The following LAMC1 variants were observed in gnomAD, a reference collection of about 807,000 sequenced individuals.
LAMC1 encodes the protein laminin subunit gamma 1.
LAMC1 carries 38 observed loss-of-function variants against 173.6 expected under a neutral mutation model. That is an observed-to-expected ratio of 0.22 (90% CI 0.17 to 0.29). The LOEUF is 0.29. Among genes scored for constraint, LAMC1 ranks in the 10% least tolerant of loss-of-function variants. The pLI is 1.00. For synonymous variants in LAMC1, 746 were observed against 749.1 expected, an observed-to-expected ratio of 1.00 and a Z score of 0.07; for missense variants, 1,824 against 2,051.8, an observed-to-expected ratio of 0.89 and a Z score of 2.14.
intron 17 of LAMC1, 124 bp from the exon 18 acceptor site, chr1:183,128,470 T>TAAA: frequency 4.9e-6 from 3 of 613,086 alleles, no homozygotes; most frequent in South Asian, 3.3e-5. Context: ...TAATAATAAT[T>TAAA]AAAAAAAAAA....
At position 183,132,544 on chromosome 1, in the gene LAMC1, A is replaced by T. The variant is rs1656826805; in HGVS notation, c.3704+7A>T. The T allele has an allele frequency of 6.2e-7, 1 of 1,611,288 alleles. No homozygotes were observed. The highest frequency in any genetic ancestry group is 1.3e-5 in the African/African-American group (1 of 74,812). On this transcript the variant is annotated splice_region_variant and intron_variant, in intron 21 of 27. Coordinates refer to ENST00000258341, the MANE Select transcript of LAMC1 (RefSeq NM_002293.4). Reference sequence around the variant, plus strand: ...TTGAAGAGCTTAATAGGAAGTGAGTATAATTTGAAAGTGGTTTACACCCCT... The same window carrying T: ...TTGAAGAGCTTAATAGGAAGTGAGTTTAATTTGAAAGTGGTTTACACCCCT...
chr1:183,027,748 G>A (rs1042686640), intron 1 of LAMC1, among the ~76,000 whole-genome samples: 2 of 152,078 alleles, frequency 1.3e-5, no homozygotes, highest in Admixed American at 6.6e-5. Flanking sequence ...TGATATATAA[G>A]GCTATTGCCT....
Position 183,024,125 on chromosome 1 carries a change from C to T in LAMC1, c.409C>T (p.Leu137=), listed in dbSNP as rs1291912745. The T allele has an allele frequency of 6.3e-7, 1 of 1,585,094 alleles. No homozygotes were observed. The highest frequency in any genetic ancestry group is 1.8e-5 in the Admixed American group (1 of 56,628). The change falls in exon 1 of 28, where the codon CTG becomes TTG. Residue 137 remains leucine, a synonymous_variant. Coordinates refer to ENST00000258341, the MANE Select transcript of LAMC1 (RefSeq NM_002293.4). ...GTACCCCAGCTCCATCAACCTCACG[C>T]TGCACCTGGGTAAGCGGTGACAGCC... is the stretch of plus-strand genomic sequence containing the variant. ...VQYPSSINLT[L]HLGKAFDITY...
intron 1 of LAMC1, among the ~76,000 whole-genome samples, chr1:183,101,152 A>C (rs1241960613): frequency 1.3e-5 from 2 of 152,122 alleles, no homozygotes; most frequent in Admixed American, 1.3e-4. Context: ...AGAAGGATAG[A>C]GAGAAAATAG....
intron 1 of LAMC1, among the ~76,000 whole-genome samples, chr1:183,098,178 C>A (rs1014233069): frequency 6.6e-6 from 1 of 152,118 alleles, no homozygotes; most frequent in African/African-American, 2.4e-5. Context: ...TTAACTGGAT[C>A]TTCTTACTTT....
At chr1:183,066,711 A>G (rs1654882450) in intron 1 of LAMC1, among the ~76,000 whole-genome samples, 1 of 152,336 alleles carries the variant, frequency 6.6e-6, no homozygotes, top group South Asian at 2.1e-4. Flanking sequence ...AGGAACAGAA[A>G]ACCAAACACT....
rs150709307 is a variant in LAMC1, at chr1:183,039,179, G to T, written c.418+15045G>T. Among the ~76,000 whole-genome samples, 6 of 150,968 alleles carry T rather than the reference G, an allele frequency of 4.0e-5. No individual in the cohort carries two copies. The East Asian group carries it at 1.2e-3, about 30-fold the overall frequency. ...CTAAAAAAATTCTGGATCATGATCT[G>T]ATAGAGCTGAGCATGCCGGAATTTT... On this transcript the variant is annotated intron_variant, in intron 1 of 27. Coordinates refer to ENST00000258341, the MANE Select transcript of LAMC1 (RefSeq NM_002293.4).
intron 1 of LAMC1, among the ~76,000 whole-genome samples, chr1:183,045,106 A>G (rs1351953812): frequency 6.7e-6 from 1 of 149,314 alleles, no homozygotes; most frequent in Non-Finnish European, 1.5e-5. Context: ...AGTAACAACT[A>G]GAATCTTCTC....
At chr1:183,127,893 A>G (rs990691312) in intron 17 of LAMC1, among the ~76,000 whole-genome samples, 14 of 152,220 alleles carry the variant, frequency 9.2e-5, no homozygotes, top group Non-Finnish European at 2.9e-5. Flanking sequence ...CCCAAATCCA[A>G]TAAGAATGCA....
intron 1 of LAMC1, among the ~76,000 whole-genome samples, chr1:183,038,629 A>G (rs571404315): frequency 6.6e-6 from 1 of 152,336 alleles, no homozygotes; most frequent in East Asian, 1.9e-4. Flanking sequence ...TGAGCTGAAC[A>G]GCTTTTTTTG....
intron 2 of LAMC1, among the ~76,000 whole-genome samples, chr1:183,105,661 G>C (rs776859236): frequency 6.6e-6 from 1 of 152,096 alleles, no homozygotes; most frequent in Admixed American, 6.6e-5. Context: ...GTGGGCATCT[G>C]CATAGACGTG....
chr1:183,116,646 A>G lies in LAMC1; in HGVS notation c.1398A>G (p.Lys466=), dbSNP rs1166122900. The G allele has an allele frequency of 5.0e-6, 8 of 1,613,554 alleles. No individual in the cohort carries two copies. In the African/African-American group the frequency reaches 1.1e-4, roughly 22 times the overall value. The part of the protein sequence containing the change: ...CNIETGRCVC[K]DNVEGFNCER... Reference sequence around the variant, plus strand: ...TTGAAACAGGAAGATGTGTTTGCAAAGACAATGTCGAAGGCTTCAATTGTG... The same window carrying G: ...TTGAAACAGGAAGATGTGTTTGCAAGGACAATGTCGAAGGCTTCAATTGTG... The change falls in exon 7 of 28, where the codon AAA becomes AAG. Residue 466 remains lysine, a synonymous_variant. Transcript: ENST00000258341.
intron 1 of LAMC1, among the ~76,000 whole-genome samples, chr1:183,081,959 C>A (rs1478035973): frequency 2.0e-5 from 3 of 152,202 alleles, no homozygotes; most frequent in Admixed American, 6.5e-5. Context: ...TGTCTCCTTT[C>A]CCAGAATGTC....
At position 183,066,512 on chromosome 1, in the gene LAMC1, T is replaced by A. The variant is rs1182392660; in HGVS notation, c.419-36816T>A. Among the ~76,000 whole-genome samples the A allele has an allele frequency of 3.3e-5, 5 of 152,232 alleles. No individual in the cohort carries two copies. The East Asian group carries it at 9.6e-4, about 29-fold the overall frequency. ...TATAAAGACACATGCACACATACGT[T>A]TATTGCAGCACTGTTCACAATAGCA... On this transcript the variant is annotated intron_variant, in intron 1 of 27. Transcript: ENST00000258341.
At chr1:183,104,360 C>T (rs1571442035) in intron 2 of LAMC1, among the ~76,000 whole-genome samples, 1 of 152,150 alleles carries the variant, frequency 6.6e-6, no homozygotes, top group African/African-American at 2.4e-5. Context: ...TTCTATGTTG[C>T]TCATATTTCT....
At chr1:183,047,967 A>G (rs1285284274) in intron 1 of LAMC1, among the ~76,000 whole-genome samples, 2 of 152,118 alleles carry the variant, frequency 1.3e-5, no homozygotes, top group Non-Finnish European at 2.9e-5. Context: ...TAGTTCACCA[A>G]TTCGGAAGGC....
chr1:183,135,076 C>T lies in LAMC1; in HGVS notation c.4034C>T (p.Ala1345Val), dbSNP rs778502180. Residue 1345 changes from alanine (A) to valine (V), a missense_variant, in exon 24 of 28, where the codon GCC becomes GTC. Ala to Val is a moderately conservative substitution (Grantham distance 64). Coordinates refer to ENST00000258341, the MANE Select transcript of LAMC1 (RefSeq NM_002293.4). Reference protein sequence around the residue: ...ADQLLARADAAKALAEEAAKK... With the variant: ...ADQLLARADAVKALAEEAAKK... ...CAACTCCTAGCCCGAGCTGATGCTG[C>T]CAAGGCCCTCGCTGAAGAAGCTGCA... 31 of 1,613,990 alleles carry T rather than the reference C, an allele frequency of 1.9e-5. No individual in the cohort carries two copies. Among genetic ancestry groups the T allele is most frequent in the Non-Finnish European group, 2.5e-5 (29 of 1,179,986 alleles).
At chr1:183,125,279 T>A in intron 14 of LAMC1, 118 bp from the exon 15 acceptor site, 1 of 972,730 alleles carries the variant, frequency 1.0e-6, no homozygotes, top group East Asian at 2.5e-5. Context: ...AGTAGCCACA[T>A]GTGACAGCAG....
intron 1 of LAMC1, among the ~76,000 whole-genome samples, chr1:183,030,220 C>G (rs577715079): frequency 3.4e-4 from 52 of 152,326 alleles, no homozygotes; most frequent in Admixed American, 6.5e-4. Flanking sequence ...TAGCGACAGA[C>G]TCCATATGTC....
Sources: allele counts gnomAD v4.1 joint callset (sites outside exome capture counted in the v4.1 genomes callset), GRCh38; gene constraint gnomAD v4.1.1; transcripts MANE v1.5; gene names NCBI Gene and HGNC (gene_info 2026-07-23, HGNC 2026-07-21).